AKAP9: variants seen among roughly 807,000 people sequenced by gnomAD.
AKAP9 encodes the protein A-kinase anchor protein 9.
AKAP9 carries 311 observed loss-of-function variants against 488.5 expected under a neutral mutation model. The ratio of observed to expected loss-of-function variants is 0.64; its 90% confidence interval spans 0.58 to 0.70. The LOEUF (loss-of-function observed/expected upper bound fraction) is 0.70. AKAP9 is among the 30% of genes least tolerant of loss of function. The probability of loss-of-function intolerance (pLI) is 0.00; values close to 1 mark genes in which losing one functional copy is unlikely to be tolerated. For missense variants in AKAP9, 4,215 were observed against 4,374.5 expected (o/e 0.96, Z 1.03); for synonymous variants, 1,462 against 1,483.5 (o/e 0.99, Z 0.33).
chr7:92,097,347 A>G lies in AKAP9; in HGVS notation c.10388A>G (p.Asn3463Ser). 1 of 1,613,278 alleles carries G rather than the reference A, an allele frequency of 6.2e-7. No homozygotes were observed. Among genetic ancestry groups the G allele is most frequent in the Non-Finnish European group, 8.5e-7 (1 of 1,179,700 alleles). Residue 3463 changes from asparagine (N) to serine (S), a missense_variant, in exon 41 of 50, where the codon AAC (asparagine) becomes AGC (serine). Physicochemically the swap from Asn to Ser is conservative, Grantham distance 46 (BLOSUM62 1). Transcript: ENST00000356239. ...GAAAGTAGAAGAATTCTGTATCAGA[A>G]CCTTAATGAGGTAAACTGACAGTTT... ...KRESRRILYQ[N>S]LNEPTTWSLT...
In AKAP9 at chr7:92,110,178, A is replaced by G. The variant is rs1465745479; in HGVS notation, c.*19A>G. 6.3e-7 allele frequency: 1 copy of G among 1,577,936 alleles called. No homozygotes were observed. Among genetic ancestry groups the G allele is most frequent in the Admixed American group, 1.7e-5 (1 of 58,942 alleles). ...AAGATAATCCTTTGAAACATCATTA[A>G]TTGAAGTGATTTTAAATAGATTTCC... is the stretch of plus-strand genomic sequence containing the variant. On this transcript the variant is annotated 3_prime_UTR_variant, in exon 50 of 50. Transcript: ENST00000356239.
chr7:91,974,125 A>G (rs1420206817), intron 2 of AKAP9, among the ~76,000 whole-genome samples, 157 bp downstream of exon 2: 2 of 152,204 alleles, frequency 1.3e-5, no homozygotes, highest in African/African-American at 4.8e-5. Context: ...AAAATATTTG[A>G]TCATCTCAGA....
chr7:91,947,438 G>A (rs1255881625), intron 1 of AKAP9, among the ~76,000 whole-genome samples: 1 of 151,888 alleles, frequency 6.6e-6, no homozygotes, highest in Non-Finnish European at 1.5e-5. Flanking sequence ...CACCTCCTGG[G>A]TTCTAGCTAT....
chr7:92,080,147 C>A lies in AKAP9; in HGVS notation c.8014C>A (p.Leu2672Ile). Reference sequence around the variant, plus strand: ...AAGAAGCCCTCAAGATGTTGAAGTTCTCAAGGTTAGTTTTGTATTTTATTA... The same window carrying A: ...AAGAAGCCCTCAAGATGTTGAAGTTATCAAGGTTAGTTTTGTATTTTATTA... ...KKRSPQDVEV[L>I]KTTTELFHSN... The change falls in exon 31 of 50, where the codon CTC becomes ATC. Residue 2672 changes from leucine (L) to isoleucine (I), a missense_variant. This residue lies in a region of AKAP9 where 1,476 missense variants were observed against 1,477.4 expected (regional missense o/e 1.00). Transcript: ENST00000356239. The A allele has an allele frequency of 6.3e-7, 1 of 1,578,688 alleles. No individual in the cohort carries two copies. Among genetic ancestry groups the A allele is most frequent in the South Asian group, 1.1e-5 (1 of 88,042 alleles).
intron 1 of AKAP9, 108 bp downstream of exon 1, chr7:91,941,255 G>A (rs1584496141): frequency 3.6e-6 from 4 of 1,102,362 alleles, no homozygotes; most frequent in Non-Finnish European, 5.5e-6. Flanking sequence ...CACTGCCCGA[G>A]AGGGAGGTGC....
At chr7:91,946,563 G>A (rs1413010106) in intron 1 of AKAP9, among the ~76,000 whole-genome samples, 1 of 151,962 alleles carries the variant, frequency 6.6e-6, no homozygotes, top group East Asian at 1.9e-4. Context: ...TTGTAGAGAT[G>A]GGATTTCACC....
chr7:91,961,416 G>T (rs982544107), intron 1 of AKAP9, among the ~76,000 whole-genome samples: 1 of 151,590 alleles, frequency 6.6e-6, no homozygotes, highest in Non-Finnish European at 1.5e-5. Flanking sequence ...GACCTCAGGG[G>T]ATCCACCCGC....
chr7:92,046,358 A>G (rs1807001194), intron 21 of AKAP9, among the ~76,000 whole-genome samples: 1 of 152,158 alleles, frequency 6.6e-6, no homozygotes, highest in South Asian at 2.1e-4. Flanking sequence ...CTAAAATGCC[A>G]GTTTTTGTAA....
intron 1 of AKAP9, among the ~76,000 whole-genome samples, chr7:91,971,230 T>C (rs1376735012): frequency 6.6e-6 from 1 of 152,194 alleles, no homozygotes; most frequent in Non-Finnish European, 1.5e-5. Context: ...AGCTCACTGA[T>C]TCTTTTTTCT....
At chr7:92,058,168 G>A (rs752899498) in intron 22 of AKAP9, 2 of 587,850 alleles carry the variant, frequency 3.4e-6, no homozygotes, top group Non-Finnish European at 6.8e-6. Flanking sequence ...TATCTTCTGG[G>A]ATGGATTCTT....
chr7:92,029,459 A>G (rs547916935), intron 14 of AKAP9, among the ~76,000 whole-genome samples: 1 of 152,224 alleles, frequency 6.6e-6, no homozygotes, highest in South Asian at 2.1e-4. Flanking sequence ...TTTTAAAGTC[A>G]TTAATATATC....
chr7:92,039,741 G>A (rs1805755667), intron 17 of AKAP9, among the ~76,000 whole-genome samples: 2 of 152,156 alleles, frequency 1.3e-5, no homozygotes, highest in Admixed American at 6.5e-5. Context: ...TTGGGAGGCC[G>A]AGGCAGGTGG....
At chr7:92,109,241 A>T (rs1268166136) in intron 49 of AKAP9, among the ~76,000 whole-genome samples, 2 of 152,202 alleles carry the variant, frequency 1.3e-5, no homozygotes, top group African/African-American at 4.8e-5. Context: ...ACAAAAAACA[A>T]GTCATACTTT....
At chr7:92,049,477 G>C (rs1296854634) in intron 21 of AKAP9, among the ~76,000 whole-genome samples, 1 of 152,084 alleles carries the variant, frequency 6.6e-6, no homozygotes, top group Non-Finnish European at 1.5e-5. Flanking sequence ...CAGGCGTGGT[G>C]GTGGGCGCCT....
intron 2 of AKAP9, among the ~76,000 whole-genome samples, chr7:91,977,550 C>T (rs187505831): frequency 1.9e-3 from 293 of 152,030 alleles, no homozygotes; most frequent in African/African-American, 6.6e-3. Flanking sequence ...AGCGAGACTC[C>T]GTCTCAAAAA....
At chr7:91,992,065 A>G in intron 3 of AKAP9, 93 bp from the exon 4 acceptor site, 1 of 1,029,652 alleles carries the variant, frequency 9.7e-7, no homozygotes, top group Non-Finnish European at 1.5e-6. Flanking sequence ...TAGGAATAAA[A>G]GACATACACG....
chr7:92,093,059 CTTGA>C (rs1247569806), intron 38 of AKAP9, 34 bp from the exon 39 acceptor site: 3 of 1,550,004 alleles, frequency 1.9e-6, no homozygotes, highest in Admixed American at 1.7e-5. Flanking sequence ...ATATGAGTTG[CTTGA>C]TTATGTTTCA....
chr7:92,066,373 G>T, intron 25 of AKAP9, 54 bp from the exon 26 acceptor site: 2 of 1,599,582 alleles, frequency 1.3e-6, no homozygotes, highest in Non-Finnish European at 1.7e-6. Context: ...AGAAATAATA[G>T]CTTCTCTAAA....
At chr7:92,097,378 T>C (rs1264542001) in intron 41 of AKAP9, 21 bp downstream of exon 41, 5 of 1,609,226 alleles carry the variant, frequency 3.1e-6, no homozygotes, top group Non-Finnish European at 4.2e-6. Context: ...AGTTTCTTTT[T>C]AGATATTTTT....
Sources: gnomAD v4.1 joint callset for allele counts (sites outside exome capture counted in the v4.1 genomes callset) on GRCh38, gnomAD v4.1.1 for gene constraint, gnomAD v4.1.1 regional missense constraint, MANE v1.5 for transcripts, NCBI Gene and HGNC (gene_info 2026-07-23, HGNC 2026-07-21) for gene names.